The following HCFC1R1 variants were observed in gnomAD, a reference collection of about 807,000 sequenced individuals.
The protein encoded by HCFC1R1 is host cell factor C1 regulator 1.
HCFC1R1 carries 17 observed loss-of-function variants against 13.3 expected under a neutral mutation model. The observed-to-expected ratio is 1.28, with a 90% CI of 0.87 to 1.91. HCFC1R1 has a LOEUF of 1.91. Ranked by LOEUF, HCFC1R1 falls within the 40% of genes most tolerant of loss-of-function variation. The pLI, the probability that HCFC1R1 is intolerant of heterozygous loss-of-function variation, is 0.00. For missense variants in HCFC1R1, 218 were observed against 177.9 expected (o/e 1.23, Z -1.28); for synonymous variants, 87 against 71.1 (o/e 1.22, Z -1.12).
chr16:3,024,065 G>A (rs1036728045), upstream of HCFC1R1: 5 of 845,134 alleles, frequency 5.9e-6, no homozygotes, highest in South Asian at 3.5e-5. Context: ...GGGCGCGGAA[G>A]ACGGGCGGCG....
chr16:3,024,118 T>G, upstream of HCFC1R1: 3 of 712,216 alleles, frequency 4.2e-6, 1 homozygote, highest in South Asian at 5.5e-5. Flanking sequence ...GGGGAGGGTA[T>G]CCGGCTTAAG....
chr16:3,023,714 C>A (rs561779036), intron 1 of HCFC1R1, 133 bp downstream of exon 1: 16 of 1,030,272 alleles, frequency 1.6e-5, no homozygotes, highest in Middle Eastern at 5.9e-4. Flanking sequence ...GCCGCAGCCC[C>A]AGTCCCATCT....
intron 1 of HCFC1R1, 28 bp from the exon 2 acceptor site, chr16:3,023,558 C>A: frequency 6.4e-7 from 1 of 1,552,788 alleles, no homozygotes; most frequent in South Asian, 1.2e-5. Flanking sequence ...CCTGGTGCAC[C>A]CCACCCTCTT....
chr16:3,023,635 G>T, intron 1 of HCFC1R1, 105 bp from the exon 2 acceptor site: 2 of 1,323,704 alleles, frequency 1.5e-6, no homozygotes, highest in Non-Finnish European at 1.0e-6. Flanking sequence ...GCCCATTCCT[G>T]TCTCAGCTGG....
At position 3,022,905 on chromosome 16, in the gene HCFC1R1, G is replaced by A. The variant is rs1180860673; in HGVS notation, c.375C>T (p.Pro125=). The change falls in exon 4 of 4, where the codon CCC becomes CCT. Residue 125 remains proline (P), a synonymous_variant. Transcript: ENST00000248089. ...CCCCAGCTGGGGTTGCAGGGTAGGG[G>A]GGACTGGGGGTGTCCCCCAGCCTCA... ...RLLRLGDTPS[P]PYPATPAGDI... is the part of the protein sequence containing the mutation. The A allele has an allele frequency of 1.3e-6, 2 of 1,558,868 alleles. No homozygotes were observed. Among genetic ancestry groups the A allele is most frequent in the Non-Finnish European group, 1.7e-6 (2 of 1,163,568 alleles).
At chr16:3,024,099 C>T (rs2072711029), upstream of HCFC1R1, 3 of 731,326 alleles carry the variant, frequency 4.1e-6, no homozygotes, top group Admixed American at 2.7e-5. Flanking sequence ...AGGCTTGCTC[C>T]TCGGGGTGGG....
chr16:3,023,340 A>C lies in HCFC1R1; in HGVS notation c.174T>G (p.Phe58Leu). ...EEEQEPLRKQ[F>L]LSEENMATHF... ...GGGTGGCCATGTTCTCCTCAGACAGAAACTGCTTGCGCAGAGGCTCCCTGG... is the reference window on the plus strand; with the variant it reads ...GGGTGGCCATGTTCTCCTCAGACAGCAACTGCTTGCGCAGAGGCTCCCTGG... The change falls in exon 3 of 4, where the codon TTT becomes TTG. Residue 58 changes from phenylalanine (F) to leucine (L), a missense_variant. Coordinates refer to ENST00000248089, the MANE Select transcript of HCFC1R1 (RefSeq NM_017885.4). 2 of 1,607,144 alleles carry C rather than the reference A, an allele frequency of 1.2e-6. No homozygotes were observed. The highest frequency in any genetic ancestry group is 1.7e-6 in the Non-Finnish European group (2 of 1,175,408).
chr16:3,023,769 T>C lies in HCFC1R1; in HGVS notation c.95+78A>G, dbSNP rs1291355236. The C allele has an allele frequency of 5.8e-6, 7 of 1,214,848 alleles. No homozygotes were observed. The Admixed American group carries it at 6.2e-5, about 11-fold the overall frequency. 75.3% of individuals were successfully genotyped at this position (1,214,848 alleles called of 1,614,324 possible). ...GCCGATTCGCCCCACCCCGTATTCATCCTGCAGACCAGTCCTGAGCACCCA... is the reference window on the plus strand; with the variant it reads ...GCCGATTCGCCCCACCCCGTATTCACCCTGCAGACCAGTCCTGAGCACCCA... On this transcript the variant is annotated intron_variant, in intron 1 of 3. Transcript: ENST00000248089.
At chr16:3,024,165 T>A, upstream of HCFC1R1, 1 of 826,606 alleles carries the variant, frequency 1.2e-6, no homozygotes, top group Non-Finnish European at 1.9e-6. Context: ...ATGTCGGGGG[T>A]CTTCGCGGCG....
At position 3,023,862 on chromosome 16, in the gene HCFC1R1, CAA is replaced by C; in HGVS notation, c.78_79del (p.Trp27GlyfsTer34). The C allele has an allele frequency of 6.5e-7, 1 of 1,547,720 alleles. No homozygotes were observed. Among genetic ancestry groups the C allele is most frequent in the Non-Finnish European group, 8.7e-7 (1 of 1,152,090 alleles). ...CTACACGCACCTGGCGTCCAGGCCC[CAA>C]GTCACCCCCAAGGCGGCCCGCGGGA... On this transcript the variant is annotated frameshift_variant, in exon 1 of 4. Coordinates refer to ENST00000248089, the MANE Select transcript of HCFC1R1 (RefSeq NM_017885.4). LOFTEE classifies it high-confidence loss of function.
rs1312571577 is a variant in HCFC1R1, at chr16:3,023,829, C to G, written c.95+18G>C. On this transcript the variant is annotated intron_variant, in intron 1 of 3. Coordinates refer to ENST00000248089, the MANE Select transcript of HCFC1R1 (RefSeq NM_017885.4). ...CCTGCGGCCCTTGGTCAGGCCCACC[C>G]TGGTCCCCTACACGCACCTGGCGTC... 1 of 1,531,168 alleles carries G rather than the reference C, an allele frequency of 6.5e-7. No homozygotes were observed. The highest frequency in any genetic ancestry group is 1.2e-5 in the South Asian group (1 of 84,010). 94.8% of individuals were successfully genotyped at this position (1,531,168 alleles called of 1,614,324 possible).
upstream of HCFC1R1, chr16:3,024,257 C>T (rs1051172813): frequency 5.0e-6 from 8 of 1,600,776 alleles, no homozygotes; most frequent in South Asian, 1.1e-5. Context: ...GGAGAGGAAC[C>T]GCTCTAGGCA....
rs1319759008 is a variant in HCFC1R1, at chr16:3,023,475, GCTC to G, written c.148_150del (p.Glu50del). The G allele has an allele frequency of 3.7e-6, 6 of 1,612,918 alleles. No individual in the cohort carries two copies. The highest frequency in any genetic ancestry group is 1.3e-5 in the African/African-American group (1 of 74,884). ...GTCCCTCCCTGCCCCCAAACTCACT[GCTC>G]CTCCTCCAGGCGCCGCTTGGTGCTC... On this transcript the variant is annotated inframe_deletion and splice_region_variant, in exon 2 of 4. Transcript: ENST00000248089.
At position 3,022,691 on chromosome 16, in the gene HCFC1R1, A is replaced by C; in HGVS notation, c.*172T>G. 1.2e-5 allele frequency: 6 copies of C among 488,772 alleles called. No homozygotes were observed. The highest frequency in any genetic ancestry group is 1.4e-5 in the Non-Finnish European group (4 of 282,212). The allele number at this position is 488,772 out of a possible 1,614,324, so 30.3% of individuals were successfully genotyped here. A position where few individuals can be genotyped will look rare whatever the true frequency, so the allele number is the denominator to read the frequency against. On this transcript the variant is annotated 3_prime_UTR_variant, in exon 4 of 4. Coordinates refer to ENST00000248089, the MANE Select transcript of HCFC1R1 (RefSeq NM_017885.4). ...GGGATGCCTCCCTTCCCATGCTCCC[A>C]CCCCTCCCATCCCAGAACTCCGTTG... is the stretch of plus-strand genomic sequence containing the variant.
At chr16:3,024,243 C>T, upstream of HCFC1R1, 3 of 1,573,104 alleles carry the variant, frequency 1.9e-6, no homozygotes, top group African/African-American at 1.3e-5. Flanking sequence ...CGGTAGGGCG[C>T]CACGGAGAGG....
In HCFC1R1 at chr16:3,023,446, G is replaced by A. The variant is rs372387952; in HGVS notation, c.152+28C>T. The A allele has an allele frequency of 9.3e-6, 15 of 1,613,662 alleles. No individual in the cohort carries two copies. The African/African-American group carries it at 1.9e-4, about 20-fold the overall frequency. ...GACCAGAGGTGACAGAGATCTTGTT[G>A]GGAGTCCCTCCCTGCCCCCAAACTC... On this transcript the variant is annotated intron_variant, in intron 2 of 3. Coordinates refer to ENST00000248089, the MANE Select transcript of HCFC1R1 (RefSeq NM_017885.4).
chr16:3,023,509 C>T lies in HCFC1R1; in HGVS notation c.117G>A (p.Val39=). ...CCAGGCGCCGCTTGGTGCTCATGGG[C>T]ACAGCTCCTCGGAGAGGGGAGCTGG... The part of the protein sequence containing the change: ...LDASSPLRGA[V]PMSTKRRLEE... The change falls in exon 2 of 4, where the codon GTG becomes GTA. Residue 39 remains valine (V), a synonymous_variant. Transcript: ENST00000248089. 6.2e-7 allele frequency: 1 copy of T among 1,604,930 alleles called. No homozygotes were observed.
chr16:3,024,271 A>G, upstream of HCFC1R1: 1 of 1,610,344 alleles, frequency 6.2e-7, no homozygotes, highest in Non-Finnish European at 8.5e-7. Context: ...CTAGGCACGT[A>G]AGGCCTCGTG....
At chr16:3,024,215 C>G (rs1412815255), upstream of HCFC1R1, 4 of 1,381,844 alleles carry the variant, frequency 2.9e-6, no homozygotes, top group African/African-American at 4.3e-5. Context: ...TACGCACCAG[C>G]CACCTTCGCG....
Sources: allele counts gnomAD v4.1 joint callset, GRCh38; gene constraint gnomAD v4.1.1; transcripts MANE v1.5; gene names NCBI Gene and HGNC (gene_info 2026-07-23, HGNC 2026-07-21).